The following POLG variants were observed in gnomAD, a reference collection of about 807,000 sequenced individuals.
POLG encodes DNA polymerase subunit gamma-1.
Under a neutral mutation model 155.4 loss-of-function variants are expected in POLG, and 110 were observed. The observed-to-expected ratio is 0.71, with a 90% CI of 0.61 to 0.83. POLG has a LOEUF of 0.83. Among genes scored for constraint, POLG ranks in the 40% least tolerant of loss-of-function variants. The pLI is 0.00. For missense variants in POLG, 1,685 were observed against 1,627.5 expected, an observed-to-expected ratio of 1.04 and a Z score of -0.61; for synonymous variants, 701 against 631.5, an observed-to-expected ratio of 1.11 and a Z score of -1.65.
At position 89,316,380 on chromosome 15, in the gene POLG, A is replaced by ATTCTT; in HGVS notation, c.*366_*370dup. Reference sequence around the variant, plus strand: ...GCAGGTTTATCACGTTAGAGCATTAATTCTTTCCCCTTCTAGGGCACTGCA... The same window carrying ATTCTT: ...GCAGGTTTATCACGTTAGAGCATTAATTCTTTTCTTTCCCCTTCTAGGGCACTGCA... On this transcript the variant is annotated 3_prime_UTR_variant, in exon 23 of 23. Coordinates refer to ENST00000268124, the MANE Select transcript of POLG (RefSeq NM_002693.3). 1 of 1,608,540 alleles carries ATTCTT rather than the reference A, an allele frequency of 6.2e-7. No homozygotes were observed. The highest frequency in any genetic ancestry group is 8.5e-7 in the Non-Finnish European group (1 of 1,176,758).
intron 10 of POLG, among the ~76,000 whole-genome samples, chr15:89,325,154 GT>G: frequency 1.0e-5 from 1 of 98,584 alleles, no homozygotes; most frequent in Admixed American, 9.6e-5. Context: ...GAGTGAGTGA[GT>G]GAGTGAGTGA....
intron 22 of POLG, 31 bp downstream of exon 22, chr15:89,317,345 G>A (rs367876885): frequency 3.2e-5 from 52 of 1,608,618 alleles, no homozygotes; most frequent in Non-Finnish European, 4.3e-5. Context: ...CAGATCCTAT[G>A]TGTAATGAGG....
rs55779802 is a variant in POLG, at chr15:89,318,535, G to C, written c.3482+6C>G. 2.5e-5 allele frequency: 41 copies of C among 1,611,862 alleles called. No individual in the cohort carries two copies. The East Asian group carries it at 8.5e-4, about 33-fold the overall frequency. On this transcript the variant is annotated splice_donor_region_variant and intron_variant, in intron 21 of 22. Transcript: ENST00000268124. ...GGCCAGGCTAGAGGCCATGGGCCCCGCATACCTGGTCAAGAGGTTGGTGAT... is the reference window on the plus strand; with the variant it reads ...GGCCAGGCTAGAGGCCATGGGCCCCCCATACCTGGTCAAGAGGTTGGTGAT...
In POLG at chr15:89,320,909, G is replaced by C. The variant is rs1263646656; in HGVS notation, c.2838C>G (p.Ala946=). 1 of 1,613,986 alleles carries C rather than the reference G, an allele frequency of 6.2e-7. No individual in the cohort carries two copies. Among genetic ancestry groups the C allele is most frequent in the Non-Finnish European group, 8.5e-7 (1 of 1,180,042 alleles). Residue 946 remains alanine (A), a synonymous_variant, in exon 18 of 23, where the codon GCC becomes GCG. Coordinates refer to ENST00000268124, the MANE Select transcript of POLG (RefSeq NM_002693.3). ...ATTVGISREH[A]KIFNYGRIYG... is the part of the protein sequence containing the mutation. The stretch of plus-strand genomic sequence containing the variant: ...AGATGCGGCCGTAGTTGAAGATTTT[G>C]GCATGCTCACGGCTGATGCCCACAG...
At chr15:89,321,040 C>G in intron 17 of POLG, 28 bp from the exon 18 acceptor site, 1 of 1,614,134 alleles carries the variant, frequency 6.2e-7, no homozygotes, top group Non-Finnish European at 8.5e-7. Flanking sequence ...GTGAGAAAAG[C>G]AGCTCAGGAA....
intron 3 of POLG, 37 bp from the exon 4 acceptor site, chr15:89,329,147 G>T: frequency 6.3e-7 from 1 of 1,575,892 alleles, no homozygotes. Flanking sequence ...GGGAAGGAGG[G>T]AGGCTGCAAC....
rs972904858 is a variant in POLG, at chr15:89,330,346, A to C, written c.660-70T>G. 2.5e-5 allele frequency: 30 copies of C among 1,185,662 alleles called. No individual in the cohort carries two copies. The African/African-American group carries it at 4.2e-4, about 17-fold the overall frequency. The allele number at this position is 1,185,662 out of a possible 1,614,324, so 73.4% of individuals were successfully genotyped here. On this transcript the variant is annotated intron_variant, in intron 2 of 22. Coordinates refer to ENST00000268124, the MANE Select transcript of POLG (RefSeq NM_002693.3). ...ACTTCCACTCCACAACAACCACTGCACACCTACCGCCACATGCCAGATGGT... is the reference window on the plus strand; with the variant it reads ...ACTTCCACTCCACAACAACCACTGCCCACCTACCGCCACATGCCAGATGGT...
chr15:89,326,522 T>C lies in POLG; in HGVS notation c.1712+90A>G, dbSNP rs1596357644. On this transcript the variant is annotated intron_variant, in intron 9 of 22. Transcript: ENST00000268124. Reference sequence around the variant, plus strand: ...GGTCAATAAGTATACATGTGCATGATGCCTCTGTGCCAGAACCCAGACCAG... The same window carrying C: ...GGTCAATAAGTATACATGTGCATGACGCCTCTGTGCCAGAACCCAGACCAG... 4.3e-6 allele frequency: 6 copies of C among 1,403,294 alleles called. No individual in the cohort carries two copies. In the East Asian group the frequency reaches 1.4e-4, roughly 32 times the overall value. 86.9% of individuals were successfully genotyped at this position (1,403,294 alleles called of 1,614,324 possible).
chr15:89,322,372 A>G (rs945384677), intron 14 of POLG, among the ~76,000 whole-genome samples: 5 of 152,192 alleles, frequency 3.3e-5, no homozygotes, highest in African/African-American at 1.2e-4. Flanking sequence ...CACCTTGGAA[A>G]TGGCCTTCAA....
In POLG at chr15:89,333,725, G is replaced by A. The variant is rs1060504037; in HGVS notation, c.30C>T (p.Ala10=). 20 of 1,535,874 alleles carry A rather than the reference G, an allele frequency of 1.3e-5. No individual in the cohort carries two copies. The East Asian group carries it at 2.9e-4, about 23-fold the overall frequency. Residue 10 remains alanine (A), a synonymous_variant, in exon 2 of 23, where the codon GCC becomes GCT. Transcript: ENST00000268124. ...CCGGCCCTGGCCCGACGGTGGCGCC[G>A]GCCACCTTCCTCCAGAGCAGGCGGC... MSRLLWRKV[A]GATVGPGPVP... is the part of the protein sequence containing the mutation.
rs757120802 is a variant in POLG, at chr15:89,333,624, T to C, written c.131A>G (p.Gln44Arg). Residue 44 changes from glutamine (Q) to arginine (R), a missense_variant, in exon 2 of 23, where the codon CAG becomes CGG. By Grantham distance (43) the Gln-to-Arg change is conservative. Around this residue, in one of 3 missense-constraint regions of POLG, gnomAD observed 1,210 missense variants for 1,167.1 expected, o/e 1.04. Coordinates refer to ENST00000268124, the MANE Select transcript of POLG (RefSeq NM_002693.3). ...DPSDGQRRRQ[Q>R]QQQQQQQQQQ... ...CTGCTGCTGCTGCTGCTGCTGCTGC[T>C]GCTGCCGCCGCCGCTGCCCGTCGCT... The C allele has an allele frequency of 8.6e-5, 136 of 1,590,330 alleles. No homozygotes were observed. In the Admixed American group the frequency reaches 1.8e-3, roughly 22 times the overall value.
At position 89,325,065 on chromosome 15, in the gene POLG, T is replaced by TGAGTGAGTGAGTGAGTGAGTGAGA; in HGVS notation, c.1949+384_1949+385insTCTCACTCACTCACTCACTCACTC. On this transcript the variant is annotated intron_variant, in intron 10 of 22. Transcript: ENST00000268124. ...GTGAGTGAGTGAGTGAGAGAGTGAG[T>TGAGTGAGTGAGTGAGTGAGTGAGA]GAGTGAGTGAGTGAGTGAGAGAGTG... 2.3e-5 allele frequency among the ~76,000 whole-genome samples: 2 copies of TGAGTGAGTGAGTGAGTGAGTGAGA among 87,964 alleles called. 1 individual carries two copies. The highest frequency in any genetic ancestry group is 1.1e-4 in the African/African-American group (2 of 17,538). 57.7% of individuals were successfully genotyped at this position (87,964 alleles called of 152,430 possible). A position where few individuals can be genotyped will look rare whatever the true frequency, so the allele number is the denominator to read the frequency against.
intron 9 of POLG, among the ~76,000 whole-genome samples, chr15:89,326,178 C>G (rs762870846): frequency 1.3e-5 from 2 of 152,210 alleles, no homozygotes; most frequent in Non-Finnish European, 2.9e-5. Flanking sequence ...CCTGGCTGCC[C>G]TTTTTCTCAT....
rs369804413 is a variant in POLG at position 89,325,694 on chromosome 15, C to G, written c.1713-8G>C. The stretch of plus-strand genomic sequence containing the variant: ...CAGAGCTTCCGGTACCATCTACGTC[C>G]CAGCAGGAAGACAGCAGTGTCACGA... On this transcript the variant is annotated splice_polypyrimidine_tract_variant and splice_region_variant and intron_variant, in intron 9 of 22. Transcript: ENST00000268124. 8.2e-6 allele frequency: 13 copies of G among 1,594,712 alleles called. No individual in the cohort carries two copies. In the African/African-American group the frequency reaches 1.7e-4, roughly 21 times the overall value.
intron 10 of POLG, 196 bp from the exon 11 acceptor site, chr15:89,324,423 G>C: frequency 1.5e-6 from 1 of 682,578 alleles, no homozygotes; most frequent in South Asian, 1.6e-5. Flanking sequence ...CTGGCAGCAG[G>C]CTGGGGTTCA....
chr15:89,331,642 G>A (rs1324624159), intron 2 of POLG, among the ~76,000 whole-genome samples: 1 of 152,180 alleles, frequency 6.6e-6, no homozygotes, highest in East Asian at 1.9e-4. Flanking sequence ...CCTGTGGGAG[G>A]CTCATAGCTG....
At position 89,326,875 on chromosome 15, in the gene POLG, C is replaced by CCCCTA. The variant is rs777442304; in HGVS notation, c.1585+32_1585+36dup. The CCCCTA allele has an allele frequency of 1.2e-6, 2 of 1,613,028 alleles. No homozygotes were observed. Among genetic ancestry groups the CCCCTA allele is most frequent in the Non-Finnish European group, 8.5e-7 (1 of 1,179,410 alleles). On this transcript the variant is annotated intron_variant, in intron 8 of 22. Coordinates refer to ENST00000268124, the MANE Select transcript of POLG (RefSeq NM_002693.3). Reference sequence around the variant, plus strand: ...AATCACAGGACCTTCCCAGAGACAACCCCTACCCTACCCTACCTCCCACCC... The same window carrying CCCCTA: ...AATCACAGGACCTTCCCAGAGACAACCCCTACCCTACCCTACCCTACCTCCCACCC...
chr15:89,324,232 G>A lies in POLG; in HGVS notation c.1950-5C>T. On this transcript the variant is annotated splice_polypyrimidine_tract_variant and splice_region_variant and intron_variant, in intron 10 of 22. Transcript: ENST00000268124. ...CTGTACAGGGACTCGATGGCTCTGG[G>A]CAGAGAACAGTAGCAGCAGCAGCCG... 3.7e-6 allele frequency: 6 copies of A among 1,611,886 alleles called. No individual in the cohort carries two copies. The highest frequency in any genetic ancestry group is 5.1e-6 in the Non-Finnish European group (6 of 1,180,008).
intron 2 of POLG, among the ~76,000 whole-genome samples, chr15:89,330,789 G>A (rs571297665): frequency 1.3e-4 from 19 of 151,530 alleles, no homozygotes; most frequent in Admixed American, 2.6e-4. Flanking sequence ...ATCATCTCAC[G>A]GCTGAAAAGA....
Sources: gnomAD v4.1 joint callset for allele counts (sites outside exome capture counted in the v4.1 genomes callset) on GRCh38, gnomAD v4.1.1 for gene constraint, gnomAD v4.1.1 regional missense constraint, MANE v1.5 for transcripts, NCBI Gene and HGNC (gene_info 2026-07-23, HGNC 2026-07-21) for gene names.